ARHGAP21: variants seen among roughly 807,000 people sequenced by gnomAD.
The protein encoded by ARHGAP21 is Rho GTPase activating protein 21, also known as rho GTPase-activating protein 21.
A neutral mutation model predicts 164.6 loss-of-function variants in ARHGAP21; 38 were observed. That is an observed-to-expected ratio of 0.23 (90% CI 0.18 to 0.30). ARHGAP21 has a LOEUF of 0.30. ARHGAP21 is among the 10% of genes least tolerant of loss of function. The probability of loss-of-function intolerance (pLI) is 1.00; values close to 1 mark genes in which losing one functional copy is unlikely to be tolerated. For missense variants in ARHGAP21, 1,822 were observed against 2,370.7 expected, an observed-to-expected ratio of 0.77 and a Z score of 4.81; for synonymous variants, 766 against 857.9, an observed-to-expected ratio of 0.89 and a Z score of 1.87.
chr10:24,626,274 T>G (rs1705686544), intron 7 of ARHGAP21, among the ~76,000 whole-genome samples: 1 of 152,106 alleles, frequency 6.6e-6, no homozygotes, highest in African/African-American at 2.4e-5. Flanking sequence ...AGGGAAGTAT[T>G]CTCTTTGGTC....
intron 2 of ARHGAP21, among the ~76,000 whole-genome samples, chr10:24,674,646 A>G (rs1037881425): frequency 6.6e-6 from 1 of 152,158 alleles, no homozygotes; most frequent in African/African-American, 2.4e-5. Flanking sequence ...TGATCACACC[A>G]CTGCACTCCA....
chr10:24,723,512 G>T (rs1846137261), intron 1 of ARHGAP21, 50 bp downstream of exon 1: 2 of 147,338 alleles, frequency 1.4e-5, no homozygotes, highest in Admixed American at 1.3e-4. Context: ...TCCACGGCCC[G>T]CGAGCGCAGC....
At chr10:24,596,620 G>T in intron 17 of ARHGAP21, 120 bp downstream of exon 17, 2 of 1,391,822 alleles carry the variant, frequency 1.4e-6, no homozygotes, top group Non-Finnish European at 2.0e-6. Context: ...ACTAAGGTCT[G>T]CTATGAAAAG....
intron 9 of ARHGAP21, among the ~76,000 whole-genome samples, chr10:24,615,563 G>C (rs1833857678): frequency 6.6e-6 from 1 of 152,116 alleles, no homozygotes; most frequent in Admixed American, 6.5e-5. Flanking sequence ...TCATTTTGAG[G>C]CACTGTCCAA....
In ARHGAP21 at chr10:24,619,930, C is replaced by T. The variant is rs778974734; in HGVS notation, c.1965G>A (p.Leu655=). 6 of 1,614,026 alleles carry T rather than the reference C, an allele frequency of 3.7e-6. 1 individual carries two copies. Among genetic ancestry groups the T allele is most frequent in the Admixed American group, 1.7e-5 (1 of 59,990 alleles). The change falls in exon 9 of 26, where the codon TTG becomes TTA. Residue 655 remains leucine, a synonymous_variant. Transcript: ENST00000396432. ...GCTGATTCAACAGACTGTTCTGATG[C>T]AAGTGATTTACTGGTCTTTGGTCTT... ...SIKDQRPVNH[L]HQNSLLNQQT...
In ARHGAP21 at chr10:24,607,912, A is replaced by C. The variant is rs1419764563; in HGVS notation, c.2423-9T>G. The C allele has an allele frequency of 1.9e-6, 3 of 1,583,112 alleles. No individual in the cohort carries two copies. The highest frequency in any genetic ancestry group is 2.6e-6 in the Non-Finnish European group (3 of 1,165,872). On this transcript the variant is annotated splice_polypyrimidine_tract_variant and intron_variant, in intron 9 of 25. Transcript: ENST00000396432. ...AGGGCTAGTTGGTTCATCTGTAAGA[A>C]AAAAGGAAAATCAGAATGTTCAATG...
At position 24,591,219 on chromosome 10, in the gene ARHGAP21, A is replaced by G. The variant is rs2076316525; in HGVS notation, c.4150+6T>C. ...TAGAGGTCAAGACTGCCCAGGCAAG[A>G]GTTACCTGATACATCTCCTGGGGAG... On this transcript the variant is annotated splice_donor_region_variant and intron_variant, in intron 24 of 25. Transcript: ENST00000396432. The G allele has an allele frequency of 6.2e-7, 1 of 1,605,698 alleles. No homozygotes were observed. The highest frequency in any genetic ancestry group is 1.1e-5 in the South Asian group (1 of 90,658).
chr10:24,652,077 G>A (rs985012190), intron 4 of ARHGAP21, among the ~76,000 whole-genome samples: 7 of 152,198 alleles, frequency 4.6e-5, no homozygotes, highest in South Asian at 2.1e-4. Context: ...TGCAATCTCC[G>A]TCGCATATTC....
At chr10:24,674,717 AC>A (rs1841044080) in intron 2 of ARHGAP21, among the ~76,000 whole-genome samples, 10 of 151,088 alleles carry the variant, frequency 6.6e-5, no homozygotes, top group Admixed American at 6.6e-4. Context: ...AAAAGTATAC[AC>A]ACACACACAC....
rs780790538 is a variant in ARHGAP21 at position 24,585,551 on chromosome 10, C to T, written c.4738G>A (p.Val1580Ile). 11 of 1,614,132 alleles carry T rather than the reference C, an allele frequency of 6.8e-6. No individual in the cohort carries two copies. The highest frequency in any genetic ancestry group is 6.6e-5 in the South Asian group (6 of 91,070). Residue 1580 changes from valine to isoleucine, a missense_variant, in exon 26 of 26, where the codon GTC becomes ATC. By Grantham distance (29) the Val-to-Ile change is conservative (BLOSUM62 3). Transcript: ENST00000396432. ...ETKHSEFLAN[V>I]STITSDYSTT... Reference sequence around the variant, plus strand: ...GAATAATCTGAGGTGATGGTGCTGACGTTGGCCAAAAACTCGCTATGTTTC... The same window carrying T: ...GAATAATCTGAGGTGATGGTGCTGATGTTGGCCAAAAACTCGCTATGTTTC...
intron 7 of ARHGAP21, among the ~76,000 whole-genome samples, chr10:24,625,299 G>GAAAAAAAAAAAAAAAAAAAAA (rs34935501): frequency 2.2e-4 from 12 of 53,678 alleles, no homozygotes; most frequent in East Asian, 6.3e-4. Context: ...ATGAAACAGA[G>GAAAAAAAAAAAAAAAAAAAAA]AAAAAAAAAA....
chr10:24,691,116 G>C (rs1593302435), intron 2 of ARHGAP21, among the ~76,000 whole-genome samples: 1 of 152,256 alleles, frequency 6.6e-6, no homozygotes, highest in East Asian at 1.9e-4. Flanking sequence ...GAAACTGAGA[G>C]GTCATCAGCT....
chr10:24,589,603 T>C (rs892608530), intron 24 of ARHGAP21: 5 of 315,396 alleles, frequency 1.6e-5, no homozygotes, highest in African/African-American at 2.2e-5. Context: ...ATATTAAATC[T>C]AGCAATAAAG....
intron 4 of ARHGAP21, among the ~76,000 whole-genome samples, chr10:24,656,968 A>G: frequency 8.3e-6 from 1 of 119,790 alleles, no homozygotes; most frequent in Admixed American, 7.9e-5. Flanking sequence ...CTGCCCGGCC[A>G]GCCGCCCCGT....
chr10:24,687,705 G>A (rs1842346979), intron 2 of ARHGAP21, among the ~76,000 whole-genome samples: 1 of 152,118 alleles, frequency 6.6e-6, no homozygotes, highest in Non-Finnish European at 1.5e-5. Context: ...CCTTCCCTTT[G>A]GGTAGACAGG....
chr10:24,670,945 C>T (rs1329143439), intron 2 of ARHGAP21, among the ~76,000 whole-genome samples: 2 of 152,128 alleles, frequency 1.3e-5, no homozygotes, highest in Admixed American at 6.5e-5. Flanking sequence ...CCACTCTCAG[C>T]TTTCACTTGG....
intron 2 of ARHGAP21, among the ~76,000 whole-genome samples, chr10:24,721,604 G>A (rs1470096534): frequency 6.6e-6 from 1 of 152,232 alleles, no homozygotes; most frequent in Non-Finnish European, 1.5e-5. Context: ...TGACCAAGAT[G>A]AGGACATTCC....
At position 24,591,896 on chromosome 10, in the gene ARHGAP21, G is replaced by A. The variant is rs1564959341; in HGVS notation, c.3993C>T (p.Leu1331=). The change falls in exon 22 of 26, where the codon CTC becomes CTT. Residue 1331 remains leucine (L), a synonymous_variant. Transcript: ENST00000396432. Reference sequence around the variant, plus strand: ...TGAAGCATGAACTTACGTGCTGGATGAGCGTTTCTACAATCTTGTACTGGT... The same window carrying A: ...TGAAGCATGAACTTACGTGCTGGATAAGCGTTTCTACAATCTTGTACTGGT... ...MPDQYKIVET[L]IQHHDWFFTE... is the part of the protein sequence containing the mutation. 1 of 1,607,222 alleles carries A rather than the reference G, an allele frequency of 6.2e-7. No homozygotes were observed. Among genetic ancestry groups the A allele is most frequent in the Non-Finnish European group, 8.5e-7 (1 of 1,178,204 alleles).
At chr10:24,703,457 AGAG>A (rs1282517446) in intron 2 of ARHGAP21, among the ~76,000 whole-genome samples, 1 of 152,152 alleles carries the variant, frequency 6.6e-6, no homozygotes, top group Non-Finnish European at 1.5e-5. Context: ...GTACTGTCAG[AGAG>A]GAGAAGGCAA....
Sources: gnomAD v4.1 joint callset for allele counts (sites outside exome capture counted in the v4.1 genomes callset) on GRCh38, gnomAD v4.1.1 for gene constraint, MANE v1.5 for transcripts, NCBI Gene and HGNC (gene_info 2026-07-23, HGNC 2026-07-21) for gene names.